Variants in FAM227B observed in about 807,000 individuals in gnomAD.
The protein encoded by FAM227B is protein FAM227B.
FAM227B carries 88 observed loss-of-function variants against 73.8 expected under a neutral mutation model. The ratio of observed to expected loss-of-function variants is 1.19; its 90% CI spans 1.00 to 1.42. FAM227B has a LOEUF of 1.42. Ranked by LOEUF, FAM227B falls within the 40% of genes most tolerant of loss-of-function variation. FAM227B has a pLI of 0.00. For synonymous variants in FAM227B, 210 were observed against 190.5 expected (o/e 1.10, Z -0.84); for missense variants, 632 against 590.9 (o/e 1.07, Z -0.72).
chr15:49,610,234 T>C (rs2077801186), intron 3 of FAM227B, among the ~76,000 whole-genome samples: 1 of 151,892 alleles, frequency 6.6e-6, no homozygotes, highest in Non-Finnish European at 1.5e-5. Context: ...ACTTAAAACA[T>C]TAAAAAGTCC....
At chr15:49,575,211 G>A (rs995232953) in intron 7 of FAM227B, 102 bp from the exon 8 acceptor site, 2 of 537,450 alleles carry the variant, frequency 3.7e-6, no homozygotes, top group African/African-American at 2.0e-5. Flanking sequence ...ATTGCTTATA[G>A]ATCAGCACTG....
intron 11 of FAM227B, among the ~76,000 whole-genome samples, chr15:49,454,139 T>G (rs2053045012): frequency 6.6e-6 from 1 of 152,126 alleles, no homozygotes; most frequent in Admixed American, 6.5e-5. Context: ...GGGGCATACT[T>G]TTATAAAAGA....
intron 10 of FAM227B, among the ~76,000 whole-genome samples, chr15:49,534,610 G>A (rs555976151): frequency 6.6e-6 from 1 of 151,922 alleles, no homozygotes; most frequent in African/African-American, 2.4e-5. Context: ...TGTGATAACA[G>A]ACATATACAG....
At chr15:49,332,141 G>C (rs2038913024) in intron 14 of FAM227B, among the ~76,000 whole-genome samples, 1 of 149,460 alleles carries the variant, frequency 6.7e-6, no homozygotes, top group African/African-American at 2.4e-5. Context: ...CATACACTTA[G>C]CAAGGAGACA....
chr15:49,517,667 CT>C (rs1330204745), intron 10 of FAM227B, among the ~76,000 whole-genome samples: 1 of 152,106 alleles, frequency 6.6e-6, no homozygotes, highest in African/African-American at 2.4e-5. Context: ...TTCAACTTAA[CT>C]TTTTGTAAAT....
intron 11 of FAM227B, among the ~76,000 whole-genome samples, chr15:49,382,442 A>T (rs2046601040): frequency 6.6e-6 from 1 of 152,126 alleles, no homozygotes; most frequent in Admixed American, 6.5e-5. Flanking sequence ...GGAAAAAGTA[A>T]ATTTGATCTC....
At chr15:49,351,244 G>A (rs2042201769) in intron 13 of FAM227B, among the ~76,000 whole-genome samples, 1 of 152,112 alleles carries the variant, frequency 6.6e-6, no homozygotes, top group Non-Finnish European at 1.5e-5. Flanking sequence ...AGTTTCAAAT[G>A]TCTTCCACAC....
intron 13 of FAM227B, among the ~76,000 whole-genome samples, chr15:49,346,542 T>C (rs1417829818): frequency 6.6e-6 from 1 of 152,124 alleles, no homozygotes; most frequent in Non-Finnish European, 1.5e-5. Flanking sequence ...TTTTCTCTTT[T>C]GCAAAACCTG....
intron 12 of FAM227B, 72 bp downstream of exon 12, chr15:49,371,230 A>G: frequency 2.3e-6 from 2 of 864,262 alleles, no homozygotes; most frequent in South Asian, 1.5e-5. Flanking sequence ...GCCTATGTAC[A>G]GCACAGTCAA....
intron 3 of FAM227B, among the ~76,000 whole-genome samples, chr15:49,605,444 G>T (rs990020340): frequency 6.6e-6 from 1 of 152,244 alleles, no homozygotes; most frequent in South Asian, 2.1e-4. Context: ...GGTGCAGCCT[G>T]TACACTTAAT....
intron 13 of FAM227B, among the ~76,000 whole-genome samples, chr15:49,344,523 G>A (rs1273582530): frequency 6.6e-6 from 1 of 152,114 alleles, no homozygotes; most frequent in Non-Finnish European, 1.5e-5. Flanking sequence ...GTTCCAATAT[G>A]ACACTTTCCC....
intron 11 of FAM227B, among the ~76,000 whole-genome samples, chr15:49,400,692 T>G (rs1451546410): frequency 6.9e-6 from 1 of 144,294 alleles, no homozygotes; most frequent in Non-Finnish European, 1.5e-5. Context: ...TCAGAAATAA[T>G]GCCACATATC....
Position 49,588,082 on chromosome 15 carries a change from AC to A in FAM227B, c.338del (p.Ser113IlefsTer13), listed in dbSNP as rs747161315. ...CATATCGTTCCAATTTTCTATAAGA[AC>A]CTTTAAGAAAATAAGAATTCACAGT... ...FKWKSMISET[S>X]SYRKLERYGE... On this transcript the variant is annotated frameshift_variant and splice_region_variant, in exon 5 of 16. Transcript: ENST00000299338. LOFTEE classifies it high-confidence loss of function. 1.6e-3 allele frequency: 2,303 copies of A among 1,402,288 alleles called. 3 individuals carry two copies. The highest frequency in any genetic ancestry group is 2.9e-3 in the South Asian group (191 of 66,966). 86.9% of individuals were successfully genotyped at this position (1,402,288 alleles called of 1,614,324 possible).
intron 9 of FAM227B, among the ~76,000 whole-genome samples, chr15:49,561,012 C>T (rs2074211335): frequency 6.6e-6 from 1 of 152,058 alleles, no homozygotes; most frequent in South Asian, 2.1e-4. Flanking sequence ...ACAATAGAAT[C>T]AAAATCTCAC....
At chr15:49,469,233 T>A (rs2054524769) in intron 11 of FAM227B, among the ~76,000 whole-genome samples, 2 of 152,208 alleles carry the variant, frequency 1.3e-5, no homozygotes, top group South Asian at 4.1e-4. Flanking sequence ...TACTCTGTTT[T>A]CAAACATATT....
intron 11 of FAM227B, among the ~76,000 whole-genome samples, chr15:49,408,629 G>T (rs1009960651): frequency 6.6e-6 from 1 of 151,890 alleles, no homozygotes; most frequent in African/African-American, 2.4e-5. Context: ...TTGAATGCTG[G>T]ACATTACAAA....
chr15:49,591,029 GTT>G (rs71424023), intron 3 of FAM227B, among the ~76,000 whole-genome samples: 2 of 105,608 alleles, frequency 1.9e-5, no homozygotes, highest in African/African-American at 7.0e-5. Flanking sequence ...TCTTTTTTTT[GTT>G]TTTTTTTTTT....
chr15:49,338,787 T>C (rs1457385666), intron 13 of FAM227B, among the ~76,000 whole-genome samples: 1 of 152,220 alleles, frequency 6.6e-6, no homozygotes, highest in Non-Finnish European at 1.5e-5. Flanking sequence ...TTTGGTCTTT[T>C]CACATAGTCC....
intron 8 of FAM227B, 87 bp downstream of exon 8, chr15:49,574,924 A>C (rs973448184): frequency 1.4e-6 from 1 of 720,798 alleles, no homozygotes; most frequent in Non-Finnish European, 2.3e-6. Flanking sequence ...CATCCAGAAA[A>C]ACATTTTTGT....
Sources: gnomAD v4.1 joint callset for allele counts (sites outside exome capture counted in the v4.1 genomes callset) on GRCh38, gnomAD v4.1.1 for gene constraint, MANE v1.5 for transcripts, NCBI Gene and HGNC (gene_info 2026-07-23, HGNC 2026-07-21) for gene names.